ZNF484: variants seen among roughly 807,000 people sequenced by gnomAD.
The protein encoded by ZNF484 is zinc finger protein 484.
ZNF484 carries 11 observed loss-of-function variants against 12.9 expected under a neutral mutation model. The observed-to-expected ratio is 0.85, with a 90% CI of 0.54 to 1.41. The LOEUF (loss-of-function observed/expected upper bound fraction) is 1.41, where lower values mean the gene tolerates loss of function less well. Ranked by LOEUF, ZNF484 falls within the 40% of genes most tolerant of loss-of-function variation. The probability of loss-of-function intolerance (pLI) is 0.00; values close to 1 mark genes in which losing one functional copy is unlikely to be tolerated. For missense variants in ZNF484, 807 were observed against 1,007.7 expected (o/e 0.80, Z 2.70); for synonymous variants, 289 against 334.1 (o/e 0.86, Z 1.47).
At chr9:92,851,313 A>G (rs1051235901) in intron 4 of ZNF484, among the ~76,000 whole-genome samples, 3 of 152,256 alleles carry the variant, frequency 2.0e-5, no homozygotes, top group Non-Finnish European at 4.4e-5. Context: ...AAAAGCTAAC[A>G]ATGTATTTTA....
rs1413269098 is a variant in ZNF484, at chr9:92,846,526, C to T, written c.2261G>A (p.Gly754Asp). The T allele has an allele frequency of 3.7e-6, 6 of 1,613,942 alleles. No individual in the cohort carries two copies. ...GEKPYECSDC[G>D]KSFIKKSQLH... is the part of the protein sequence containing the mutation. ...TTGTGATTTCTTAATGAAAGACTTG[C>T]CACAGTCACTGCATTCATAGGGTTT... The change falls in exon 5 of 5, where the codon GGC becomes GAC. Residue 754 changes from glycine (G) to aspartate (D), a missense_variant. Coordinates refer to ENST00000375495, the MANE Select transcript of ZNF484 (RefSeq NM_031486.4).
chr9:92,870,311 C>G (rs1306187518), intron 2 of ZNF484, among the ~76,000 whole-genome samples: 1 of 152,186 alleles, frequency 6.6e-6, no homozygotes, highest in Non-Finnish European at 1.5e-5. Context: ...AGTGTTTTCT[C>G]TAGCTAAAAG....
chr9:92,876,352 T>A (rs1857813021), intron 1 of ZNF484, among the ~76,000 whole-genome samples: 1 of 152,078 alleles, frequency 6.6e-6, no homozygotes, highest in South Asian at 2.1e-4. Flanking sequence ...AAACATCAAA[T>A]GGAAGGCATA....
At chr9:92,858,851 C>T (rs10761175) in intron 2 of ZNF484, among the ~76,000 whole-genome samples, 55,349 of 151,920 alleles carry the variant, frequency 0.36, 10,346 homozygotes, top group Admixed American at 0.42. Flanking sequence ...CTAGGCCGGG[C>T]GTGGTGGCTC....
At position 92,846,215 on chromosome 9, in the gene ZNF484, T is replaced by C. The variant is rs374669520; in HGVS notation, c.*13A>G. 58 of 1,606,700 alleles carry C rather than the reference T, an allele frequency of 3.6e-5. No individual in the cohort carries two copies. The highest frequency in any genetic ancestry group is 4.4e-5 in the Non-Finnish European group (52 of 1,176,664). ...ACACATCAGCTATATGATCCAGATG[T>C]TCATAATTCTAACTAGATAGAAGAA... On this transcript the variant is annotated 3_prime_UTR_variant, in exon 5 of 5. Transcript: ENST00000375495.
chr9:92,849,837 T>C (rs1012984249), intron 4 of ZNF484, among the ~76,000 whole-genome samples: 16 of 152,136 alleles, frequency 1.1e-4, no homozygotes, highest in African/African-American at 3.4e-4. Context: ...GGTCTCACTC[T>C]GTTGCTCAGG....
chr9:92,855,888 T>C lies in ZNF484; in HGVS notation c.158A>G (p.Lys53Arg). 6.2e-7 allele frequency: 1 copy of C among 1,614,130 alleles called. No homozygotes were observed. Among genetic ancestry groups the C allele is most frequent in the Non-Finnish European group, 8.5e-7 (1 of 1,179,990 alleles). ...NLISVGCQVP[K>R]PEVIFSLEQE... ...TTCCAAGCTGAAGATGACTTCTGGT[T>C]TGGGAACTTGACATCCTGTTAACAG... Residue 53 changes from lysine to arginine, a missense_variant, in exon 4 of 5, where the codon AAA (lysine) becomes AGA (arginine). Coordinates refer to ENST00000375495, the MANE Select transcript of ZNF484 (RefSeq NM_031486.4).
intron 1 of ZNF484, among the ~76,000 whole-genome samples, chr9:92,875,356 T>C (rs1857733104): frequency 6.6e-6 from 1 of 152,240 alleles, no homozygotes; most frequent in Non-Finnish European, 1.5e-5. Flanking sequence ...TATTATACTA[T>C]CTGATTTCAC....
At chr9:92,856,630 T>C (rs889141235) in intron 2 of ZNF484, among the ~76,000 whole-genome samples, 4 of 152,194 alleles carry the variant, frequency 2.6e-5, no homozygotes, top group African/African-American at 7.2e-5. Flanking sequence ...CTACAAGATA[T>C]TACCTCACAC....
At chr9:92,877,869 T>C (rs1857934968) in intron 1 of ZNF484, 21 bp downstream of exon 1, 2 of 1,535,656 alleles carry the variant, frequency 1.3e-6, no homozygotes, top group Non-Finnish European at 1.7e-6. Context: ...AGTCCACAGA[T>C]GCTGCCATCC....
At chr9:92,853,983 T>C (rs893904222) in intron 4 of ZNF484, among the ~76,000 whole-genome samples, 5 of 151,458 alleles carry the variant, frequency 3.3e-5, no homozygotes, top group Middle Eastern at 3.2e-3. Context: ...GAAAGGACTG[T>C]CTTGGGAGTT....
chr9:92,873,145 T>TAGGC (rs547480139), intron 2 of ZNF484, among the ~76,000 whole-genome samples: 22 of 151,976 alleles, frequency 1.4e-4, no homozygotes, highest in Non-Finnish European at 2.6e-4. Context: ...TCTCTCTCCA[T>TAGGC]AGGCAGGCAG....
At chr9:92,854,417 TTAAGAAATTCTC>T (rs1856304948) in intron 4 of ZNF484, among the ~76,000 whole-genome samples, 2 of 152,174 alleles carry the variant, frequency 1.3e-5, no homozygotes, top group African/African-American at 4.8e-5. Context: ...CTCCTCTTCC[TTAAGAAATTCTC>T]ATTTCCGGCT....
chr9:92,877,231 GT>G (rs1439359642), intron 1 of ZNF484, among the ~76,000 whole-genome samples: 2 of 151,800 alleles, frequency 1.3e-5, no homozygotes, highest in Admixed American at 1.3e-4. Flanking sequence ...ACATCAAAAA[GT>G]GGGAAAAAGA....
At chr9:92,852,529 C>CTTTTTTTTTTT (rs760841960) in intron 4 of ZNF484, among the ~76,000 whole-genome samples, 1 of 63,450 alleles carries the variant, frequency 1.6e-5, no homozygotes, top group Non-Finnish European at 2.7e-5. Flanking sequence ...CACGCCCAGC[C>CTTTTTTTTTTT]TTTTTTTTTT....
intron 2 of ZNF484, among the ~76,000 whole-genome samples, chr9:92,870,165 G>A (rs907554817): frequency 1.3e-5 from 2 of 152,090 alleles, no homozygotes; most frequent in African/African-American, 2.4e-5. Flanking sequence ...CCTGGCTAGG[G>A]GCCTCAGGAA....
Position 92,856,308 on chromosome 9 carries a change from G to T in ZNF484, c.26C>A (p.Ser9Ter). The change falls in exon 3 of 5, where the codon TCA becomes TAA. Residue 9 changes from serine to a stop codon, truncating the protein, a stop_gained. Coordinates refer to ENST00000375495, the MANE Select transcript of ZNF484 (RefSeq NM_031486.4). LOFTEE classifies it high-confidence loss of function. ...GAAGTCTACAGTTACGTCCTTGAAT[G>T]ACACTGATTCCTGTTAAAAAAAAAA... is the stretch of plus-strand genomic sequence containing the variant. MTKSLESV[S>*]FKDVTVDFSR... The T allele has an allele frequency of 6.4e-7, 1 of 1,563,712 alleles. No individual in the cohort carries two copies. Among genetic ancestry groups the T allele is most frequent in the South Asian group, 1.2e-5 (1 of 81,526 alleles).
chr9:92,857,254 G>A (rs1856521633), intron 2 of ZNF484, among the ~76,000 whole-genome samples: 1 of 152,196 alleles, frequency 6.6e-6, no homozygotes, highest in African/African-American at 2.4e-5. Flanking sequence ...GAATATTAAA[G>A]ATTGAAGCTG....
In ZNF484 at chr9:92,860,189, C is replaced by T. The variant is rs566981316; in HGVS notation, c.16-3871G>A. On this transcript the variant is annotated intron_variant, in intron 2 of 4. Transcript: ENST00000375495. The stretch of plus-strand genomic sequence containing the variant: ...CCATAAATCACACTGTCATTATATA[C>T]TATCTTGCATGGCCTAAGCAAGGCC... Among the ~76,000 whole-genome samples, 9 of 152,306 alleles carry T rather than the reference C, an allele frequency of 5.9e-5. No homozygotes were observed. The East Asian group carries it at 1.5e-3, about 26-fold the overall frequency.
Sources: allele counts gnomAD v4.1 joint callset (sites outside exome capture counted in the v4.1 genomes callset), GRCh38; gene constraint gnomAD v4.1.1; transcripts MANE v1.5; gene names NCBI Gene and HGNC (gene_info 2026-07-23, HGNC 2026-07-21).